MYRIP: variants seen among roughly 807,000 people sequenced by gnomAD.
MYRIP encodes myosin VIIA and Rab interacting protein.
In MYRIP, 49 loss-of-function variants were observed where a neutral mutation model predicts 98.0. The ratio of observed to expected loss-of-function variants is 0.50; its 90% CI spans 0.40 to 0.63. The LOEUF is 0.63. Among genes scored for constraint, MYRIP ranks in the 30% least tolerant of loss-of-function variants. The pLI, the probability that MYRIP is intolerant of heterozygous loss-of-function variation, is 0.00. For synonymous variants in MYRIP, 404 were observed against 409.5 expected (o/e 0.99, Z 0.16); for missense variants, 1,004 against 1,058.2 (o/e 0.95, Z 0.71).
chr3:40,211,956 A>T (rs1359186152), intron 11 of MYRIP, among the ~76,000 whole-genome samples: 1 of 151,714 alleles, frequency 6.6e-6, no homozygotes, highest in African/African-American at 2.4e-5. Context: ...AAATTAAGAG[A>T]GTTGGCTTTA....
intron 1 of MYRIP, among the ~76,000 whole-genome samples, chr3:39,864,080 C>T (rs1208482292): frequency 2.6e-5 from 4 of 152,042 alleles, no homozygotes; most frequent in African/African-American, 9.7e-5. Context: ...GCAGAAAATG[C>T]TTTCAATAAA....
chr3:40,169,988 G>A lies in MYRIP; in HGVS notation c.768G>A (p.Val256=). 1 of 1,614,230 alleles carries A rather than the reference G, an allele frequency of 6.2e-7. No individual in the cohort carries two copies. Among genetic ancestry groups the A allele is most frequent in the Non-Finnish European group, 8.5e-7 (1 of 1,180,044 alleles). Reference sequence around the variant, plus strand: ...AGAAGAGCAAAAGTGAGCAGCAAGTGGAAGAAGAGCCAGGATGGCCACATC... The same window carrying A: ...AGAAGAGCAAAAGTGAGCAGCAAGTAGAAGAAGAGCCAGGATGGCCACATC... ...RKQKSKSEQQ[V]EEEPGWPHPQ... is the part of the protein sequence containing the mutation. The change falls in exon 8 of 17, where the codon GTG becomes GTA. Residue 256 remains valine (V), a synonymous_variant. Coordinates refer to ENST00000302541, the MANE Select transcript of MYRIP (RefSeq NM_015460.4).
chr3:39,885,884 A>G (rs1387750489), intron 1 of MYRIP, among the ~76,000 whole-genome samples: 2 of 151,886 alleles, frequency 1.3e-5, no homozygotes, highest in African/African-American at 2.4e-5. Flanking sequence ...TGGTTATTCT[A>G]GTTATACATT....
chr3:39,934,139 A>T (rs1944604695), intron 2 of MYRIP, among the ~76,000 whole-genome samples: 1 of 152,194 alleles, frequency 6.6e-6, no homozygotes, highest in African/African-American at 2.4e-5. Context: ...GTGGTATGAC[A>T]GTACTTAGTT....
chr3:39,996,487 C>T (rs1344370764), intron 2 of MYRIP, among the ~76,000 whole-genome samples: 6 of 152,184 alleles, frequency 3.9e-5, no homozygotes, highest in Non-Finnish European at 5.9e-5. Flanking sequence ...AGCTAAGTGT[C>T]CTAAATATAT....
At chr3:39,939,900 G>A (rs561669601) in intron 2 of MYRIP, among the ~76,000 whole-genome samples, 51 of 152,108 alleles carry the variant, frequency 3.4e-4, no homozygotes, top group Non-Finnish European at 6.3e-4. Flanking sequence ...TAATTTCTGG[G>A]TGTGTGTAAT....
chr3:40,123,305 G>GC (rs1949444815), intron 3 of MYRIP, among the ~76,000 whole-genome samples: 1 of 152,198 alleles, frequency 6.6e-6, no homozygotes, highest in Non-Finnish European at 1.5e-5. Flanking sequence ...TGTGGAAGAA[G>GC]TTTCAGTAAG....
intron 2 of MYRIP, among the ~76,000 whole-genome samples, chr3:39,922,090 C>T (rs752501919): frequency 5.9e-5 from 9 of 152,054 alleles, no homozygotes; most frequent in Non-Finnish European, 1.2e-4. Context: ...TGAGGAGTGG[C>T]ATGGTGTTGA....
At position 40,189,922 on chromosome 3, in the gene MYRIP, G is replaced by A. The variant is rs780143324; in HGVS notation, c.1124G>A (p.Gly375Glu). ...CGACTACTGGCCAAACCTAAGAGCGGGACGTTTCAGGCCCTGGAGGTGGCC... is the reference window on the plus strand; with the variant it reads ...CGACTACTGGCCAAACCTAAGAGCGAGACGTTTCAGGCCCTGGAGGTGGCC... ...PTRLLAKPKSGTFQALEVASS... is the reference protein window; with the variant it reads ...PTRLLAKPKSETFQALEVASS... Residue 375 changes from glycine (G) to glutamate (E), a missense_variant, in exon 10 of 17, where the codon GGG (glycine) becomes GAG (glutamate). By Grantham distance (98) the Gly-to-Glu change is moderately conservative (BLOSUM62 -2). Around this residue, in one of 3 missense-constraint regions of MYRIP, gnomAD observed 880 missense variants for 907.7 expected, o/e 0.97. Coordinates refer to ENST00000302541, the MANE Select transcript of MYRIP (RefSeq NM_015460.4). 1.2e-6 allele frequency: 2 copies of A among 1,614,204 alleles called. No individual in the cohort carries two copies. Among genetic ancestry groups the A allele is most frequent in the South Asian group, 2.2e-5 (2 of 91,084 alleles).
intron 10 of MYRIP, chr3:40,209,053 A>AG (rs1197519676): frequency 6.6e-6 from 1 of 152,248 alleles, no homozygotes. Flanking sequence ...TGGAAGACTA[A>AG]GGCAAAGAGA....
At chr3:40,166,790 A>G (rs1950508819) in intron 5 of MYRIP, 56 bp from the exon 6 acceptor site, 2 of 1,194,122 alleles carry the variant, frequency 1.7e-6, no homozygotes, top group African/African-American at 1.5e-5. Flanking sequence ...AGCTTGAACA[A>G]TCGTTTTACT....
chr3:40,059,517 A>C (rs1029586569), intron 3 of MYRIP, among the ~76,000 whole-genome samples: 1 of 151,938 alleles, frequency 6.6e-6, no homozygotes, highest in Non-Finnish European at 1.5e-5. Context: ...TTTGATTTGC[A>C]TTTCTCTGAT....
At position 40,043,989 on chromosome 3, in the gene MYRIP, AC is replaced by A. The variant is rs997124660; in HGVS notation, c.111-56del. The A allele has an allele frequency of 6.6e-6, 10 of 1,510,556 alleles. No individual in the cohort carries two copies. In the African/African-American group the frequency reaches 1.2e-4, roughly 19 times the overall value. The allele number at this position is 1,510,556 out of a possible 1,614,324, so 93.6% of individuals were successfully genotyped here. ...GACAGGGTGCATGCTTTGGGGAGAC[AC>A]CCCCTGACCTGATGTTGTGTTTCTC... On this transcript the variant is annotated intron_variant, in intron 2 of 16. Transcript: ENST00000302541.
At chr3:40,100,559 T>C (rs1228051227) in intron 3 of MYRIP, among the ~76,000 whole-genome samples, 1 of 152,258 alleles carries the variant, frequency 6.6e-6, no homozygotes, top group Non-Finnish European at 1.5e-5. Flanking sequence ...TAGAATTTTA[T>C]TCTTTTATTG....
intron 1 of MYRIP, among the ~76,000 whole-genome samples, chr3:39,877,290 T>C (rs1287074746): frequency 6.6e-6 from 1 of 152,162 alleles, no homozygotes; most frequent in Admixed American, 6.5e-5. Context: ...GGTTTGAATG[T>C]CCTCCCGTAG....
At chr3:39,848,018 GA>G (rs1942021195) in intron 1 of MYRIP, among the ~76,000 whole-genome samples, 1 of 152,180 alleles carries the variant, frequency 6.6e-6, no homozygotes, top group African/African-American at 2.4e-5. Context: ...TAATACCGTT[GA>G]AGGCTAGAGG....
At chr3:39,927,097 G>A (rs905630209) in intron 2 of MYRIP, among the ~76,000 whole-genome samples, 12 of 151,884 alleles carry the variant, frequency 7.9e-5, no homozygotes, top group Non-Finnish European at 1.6e-4. Context: ...ATTGTAAATG[G>A]GATTGCTTTC....
At chr3:40,208,550 G>A (rs1208962565) in intron 10 of MYRIP, among the ~76,000 whole-genome samples, 2 of 152,210 alleles carry the variant, frequency 1.3e-5, no homozygotes, top group African/African-American at 4.8e-5. Context: ...TATTCAGCAA[G>A]TGGAGAGTTG....
rs377394229 is a variant in MYRIP at position 40,252,128 on chromosome 3, C to T, written c.2547+129C>T. The T allele has an allele frequency of 3.3e-5, 24 of 717,104 alleles. No individual in the cohort carries two copies. The African/African-American group carries it at 4.3e-4, about 13-fold the overall frequency. The allele number at this position is 717,104 out of a possible 1,614,324, so 44.4% of individuals were successfully genotyped here. A position where few individuals can be genotyped will look rare whatever the true frequency, so the allele number is the denominator to read the frequency against. Reference sequence around the variant, plus strand: ...TATCCTTCCTCCGTGGTCTTATGGTCTGTTGGATTTGACTGGGGGGTGGAC... The same window carrying T: ...TATCCTTCCTCCGTGGTCTTATGGTTTGTTGGATTTGACTGGGGGGTGGAC... On this transcript the variant is annotated intron_variant, in intron 16 of 16. Coordinates refer to ENST00000302541, the MANE Select transcript of MYRIP (RefSeq NM_015460.4).
Sources: gnomAD v4.1 joint callset for allele counts (sites outside exome capture counted in the v4.1 genomes callset) on GRCh38, gnomAD v4.1.1 for gene constraint, gnomAD v4.1.1 regional missense constraint, MANE v1.5 for transcripts, NCBI Gene and HGNC (gene_info 2026-07-23, HGNC 2026-07-21) for gene names.